The following CAST variants were observed in gnomAD, a reference collection of about 807,000 sequenced individuals.
CAST encodes the protein MIR583 host.
CAST carries 76 observed loss-of-function variants against 119.6 expected under a neutral mutation model. That is an observed-to-expected ratio of 0.64 (90% CI 0.53 to 0.77). The LOEUF (loss-of-function observed/expected upper bound fraction) is 0.77, where lower values mean the gene tolerates loss of function less well. CAST is among the 30% of genes least tolerant of loss of function. CAST has a pLI of 0.00. For synonymous variants in CAST, 319 were observed against 331.6 expected, an observed-to-expected ratio of 0.96 and a Z score of 0.41; for missense variants, 953 against 946.5, an observed-to-expected ratio of 1.01 and a Z score of -0.09.
At chr5:96,347,052 A>G in the CAST span, among the ~76,000 whole-genome samples, 1 of 152,150 alleles carries the variant, frequency 6.6e-6, no homozygotes. Context: ...CAGTGGCAGT[A>G]ACTAGATCAG....
At chr5:96,518,410 C>T in the CAST span, among the ~76,000 whole-genome samples, 4 of 152,214 alleles carry the variant, frequency 2.6e-5, no homozygotes, top group African/African-American at 9.6e-5. Flanking sequence ...CGTGCTTCAA[C>T]ACCTTCCTAC....
intron 2 of CAST, among the ~76,000 whole-genome samples, chr5:96,681,504 C>A (rs1255166507): frequency 1.3e-5 from 2 of 151,854 alleles, no homozygotes. Context: ...GAGGCCGAGG[C>A]GGGCGGATCA....
the CAST span, among the ~76,000 whole-genome samples, chr5:96,080,047 C>A: frequency 1.3e-5 from 2 of 152,182 alleles, no homozygotes; most frequent in African/African-American, 4.8e-5. Flanking sequence ...GAAATATGAT[C>A]TTGTAGTGGT....
intron 1 of CAST, among the ~76,000 whole-genome samples, chr5:96,592,987 G>C (rs972828999): frequency 8.5e-5 from 13 of 152,162 alleles, no homozygotes; most frequent in South Asian, 8.3e-4. Flanking sequence ...GGATGGTCTC[G>C]ATCTCCTGAC....
the CAST span, among the ~76,000 whole-genome samples, chr5:96,306,800 G>C: frequency 6.6e-6 from 1 of 152,068 alleles, no homozygotes; most frequent in African/African-American, 2.4e-5. Context: ...TTGATTGCCT[G>C]GTGGTCTGAG....
At chr5:96,319,349 A>G in the CAST span, among the ~76,000 whole-genome samples, 1 of 152,208 alleles carries the variant, frequency 6.6e-6, no homozygotes, top group Non-Finnish European at 1.5e-5. Context: ...CATCCAAACC[A>G]TATCAGGTAA....
At chr5:96,449,319 T>C in the CAST span, among the ~76,000 whole-genome samples, 1 of 152,160 alleles carries the variant, frequency 6.6e-6, no homozygotes, top group Non-Finnish European at 1.5e-5. Context: ...GAGCTGCCAG[T>C]AAGGTGAGGT....
the CAST span, among the ~76,000 whole-genome samples, chr5:96,176,906 T>C: frequency 6.6e-6 from 1 of 152,232 alleles, no homozygotes. Flanking sequence ...AGCTTAGGAC[T>C]GCATCATCTA....
upstream of CAST, among the ~76,000 whole-genome samples, chr5:96,523,103 G>A (rs553328564): frequency 6.6e-6 from 1 of 152,244 alleles, no homozygotes; most frequent in Non-Finnish European, 1.5e-5. Context: ...CACCTGTAGT[G>A]CTCCCAGTGC....
upstream of CAST, among the ~76,000 whole-genome samples, chr5:96,524,363 G>A (rs930497626): frequency 6.6e-6 from 1 of 152,262 alleles, no homozygotes; most frequent in Non-Finnish European, 1.5e-5. Context: ...GTATCTGAAA[G>A]TGGAAGGAAA....
the CAST span, among the ~76,000 whole-genome samples, chr5:96,281,337 G>C: frequency 6.6e-6 from 1 of 152,280 alleles, no homozygotes; most frequent in Non-Finnish European, 1.5e-5. Context: ...TATATTAACA[G>C]AATTCTTTTT....
chr5:96,502,004 G>A, the CAST span, among the ~76,000 whole-genome samples: 3 of 152,156 alleles, frequency 2.0e-5, no homozygotes, highest in Non-Finnish European at 4.4e-5. Flanking sequence ...ACATTTCCCA[G>A]AGCATGTCTC....
chr5:96,364,622 T>G, the CAST span, among the ~76,000 whole-genome samples: 2 of 152,374 alleles, frequency 1.3e-5, no homozygotes, highest in East Asian at 3.8e-4. Context: ...GAGCTGTTTA[T>G]AGTATTCTCT....
chr5:96,193,250 C>T, the CAST span, among the ~76,000 whole-genome samples: 2 of 152,032 alleles, frequency 1.3e-5, no homozygotes, highest in South Asian at 4.2e-4. Context: ...GAAAAAAATG[C>T]TTCATATTAT....
At chr5:96,701,873 G>A (rs1216128376) in intron 3 of CAST, among the ~76,000 whole-genome samples, 1 of 151,806 alleles carries the variant, frequency 6.6e-6, no homozygotes, top group African/African-American at 2.4e-5. Context: ...AAAGTTGGAA[G>A]GGCTCTTATT....
At chr5:96,239,562 A>T in the CAST span, among the ~76,000 whole-genome samples, 1 of 151,962 alleles carries the variant, frequency 6.6e-6, no homozygotes, top group Non-Finnish European at 1.5e-5. Context: ...AAATGTTAAA[A>T]TTTCAGGAGA....
chr5:96,663,096 G>T, intron 1 of CAST: 4 of 702,312 alleles, frequency 5.7e-6, no homozygotes, highest in Non-Finnish European at 1.0e-5. Flanking sequence ...CGCCCTCGCC[G>T]GCTCCCCCGC....
At chr5:96,695,303 C>A (rs1022382412) in intron 2 of CAST, among the ~76,000 whole-genome samples, 4 of 152,164 alleles carry the variant, frequency 2.6e-5, no homozygotes, top group African/African-American at 9.7e-5. Flanking sequence ...ATCTATAATT[C>A]TATTATTCTA....
At chr5:96,149,304 A>G in the CAST span, among the ~76,000 whole-genome samples, 3 of 152,220 alleles carry the variant, frequency 2.0e-5, no homozygotes, top group Non-Finnish European at 4.4e-5. Context: ...CCTACCCCAC[A>G]GTGCCTTATT....
Sources: gnomAD v4.1 joint callset for allele counts (sites outside exome capture counted in the v4.1 genomes callset) on GRCh38, gnomAD v4.1.1 for gene constraint, MANE v1.5 for transcripts, NCBI Gene and HGNC (gene_info 2026-07-23, HGNC 2026-07-21) for gene names.